TBC1D8B: variants seen among roughly 807,000 people sequenced by gnomAD.
TBC1D8B encodes the protein RP11-321G1.1.
TBC1D8B carries 75 observed loss-of-function variants against 82.9 expected under a neutral mutation model. The observed-to-expected ratio is 0.90, with a 90% CI of 0.75 to 1.10. The LOEUF (loss-of-function observed/expected upper bound fraction) is 1.10. Ranked by LOEUF, TBC1D8B falls within the 50% of genes least tolerant of loss-of-function variation. The pLI is 0.00. For synonymous variants in TBC1D8B, 276 were observed against 276.8 expected (o/e 1.00, Z 0.03); for missense variants, 794 against 796.9 (o/e 1.00, Z 0.04).
At chrX:106,842,607 CTATCTATCTAT>C (rs1932336764) in intron 10 of TBC1D8B, among the ~76,000 whole-genome samples, 1 of 40,479 alleles carries the variant, frequency 2.5e-5, no homozygotes, top group African/African-American at 2.2e-4. Context: ...CTTGCTCTAT[CTATCTATCTAT>C]CTATCTATCT....
chrX:106,818,817 C>A (rs907297688), intron 2 of TBC1D8B, 44 bp downstream of exon 2: 2 of 1,000,833 alleles, frequency 2.0e-6, no homozygotes, highest in African/African-American at 3.8e-5. Flanking sequence ...AATAAGGGTA[C>A]TACAAAGCTG....
chrX:106,835,674 ATC>A (rs1311208571), intron 7 of TBC1D8B, among the ~76,000 whole-genome samples: 2 of 111,948 alleles, frequency 1.8e-5, no homozygotes, highest in East Asian at 5.6e-4. Context: ...ATCCTAAATC[ATC>A]TCTCTCAAGT....
At chrX:106,846,798 G>C (rs778624610) in intron 10 of TBC1D8B, among the ~76,000 whole-genome samples, 1 of 111,868 alleles carries the variant, frequency 8.9e-6, no homozygotes, top group Admixed American at 9.5e-5. Flanking sequence ...GTATAAAAAT[G>C]AGCAATGGAC....
At chrX:106,867,198 A>G (rs186458659) in intron 17 of TBC1D8B, among the ~76,000 whole-genome samples, 78 of 111,948 alleles carry the variant, frequency 7.0e-4, no homozygotes, top group African/African-American at 2.4e-3. Context: ...AATTAACTTT[A>G]GACAAACTGC....
At position 106,823,379 on chromosome X, in the gene TBC1D8B, T is replaced by G; in HGVS notation, c.740T>G (p.Leu247Arg). The G allele has an allele frequency of 1.7e-6, 2 of 1,210,613 alleles. No individual in the cohort carries two copies. The highest frequency in any genetic ancestry group is 3.5e-5 in the South Asian group (2 of 56,952). The change falls in exon 5 of 21, where the codon CTG becomes CGG. Residue 247 changes from leucine (L) to arginine (R), a missense_variant. Leu to Arg is a moderately radical substitution (Grantham distance 102, BLOSUM62 -2). Transcript: ENST00000357242. ...CAAACATACCTTCTTATGGAACAGC[T>G]GGCAAACTATGCCATTAGAAGACTT... The part of the protein sequence containing the change: ...INQTYLLMEQ[L>R]ANYAIRRLFD...
At position 106,802,859 on chromosome X, in the gene TBC1D8B, G is replaced by A. The variant is rs1931068602; in HGVS notation, c.6G>A (p.Trp2Ter). 1 of 1,211,001 alleles carries A rather than the reference G, an allele frequency of 8.3e-7. No individual in the cohort carries two copies. The highest frequency in any genetic ancestry group is 1.1e-6 in the Non-Finnish European group (1 of 895,171). ...CGGGGGGCACAAAGTTCGCGATGTGGCTGAAGCCTGAGGAAGTGCTTCTGA... is the reference window on the plus strand; with the variant it reads ...CGGGGGGCACAAAGTTCGCGATGTGACTGAAGCCTGAGGAAGTGCTTCTGA... M[W>*]LKPEEVLLKN... is the part of the protein sequence containing the mutation. Residue 2 changes from tryptophan to a stop codon, truncating the protein, a stop_gained, in exon 1 of 21, where the codon TGG becomes TGA. Transcript: ENST00000357242. LOFTEE classifies it high-confidence loss of function.
chrX:106,818,891 C>A, intron 2 of TBC1D8B, 118 bp downstream of exon 2: 2 of 497,051 alleles, frequency 4.0e-6, no homozygotes, highest in Non-Finnish European at 6.2e-6. Context: ...AAATGTGCAA[C>A]TTTACTTTGA....
At chrX:106,829,188 T>C (rs1040046664) in intron 7 of TBC1D8B, 2 of 107,189 alleles carry the variant, frequency 1.9e-5, no homozygotes, top group Admixed American at 2.0e-4. Flanking sequence ...GAACTCCCAT[T>C]CACAATTGCT....
Position 106,874,727 on chromosome X carries a change from C to T in TBC1D8B, c.*762C>T, listed in dbSNP as rs1385867194. 9.0e-6 allele frequency: 1 copy of T among 111,626 alleles called. No homozygotes were observed. Among genetic ancestry groups the T allele is most frequent in the African/African-American group, 3.3e-5 (1 of 30,730 alleles). 9.2% of individuals were successfully genotyped at this position (111,626 alleles called of 1,213,427 possible). A position where few individuals can be genotyped will look rare whatever the true frequency, so the allele number is the denominator to read the frequency against. The stretch of plus-strand genomic sequence containing the variant: ...CAGCCTTCTGAGAAGGGCTAAGAAA[C>T]AGTTCAATTAACTGTATAGGTCTTT... On this transcript the variant is annotated 3_prime_UTR_variant, in exon 21 of 21. Coordinates refer to ENST00000357242, the MANE Select transcript of TBC1D8B (RefSeq NM_017752.3).
At chrX:106,862,965 C>T (rs1177630715) in intron 14 of TBC1D8B, among the ~76,000 whole-genome samples, 6 of 108,844 alleles carry the variant, frequency 5.5e-5, no homozygotes, top group African/African-American at 2.0e-4. Flanking sequence ...TCTCTGGGCC[C>T]TCGGGGCTAG....
At chrX:106,865,417 T>C in intron 14 of TBC1D8B, 142 bp from the exon 15 acceptor site, 1 of 317,114 alleles carries the variant, frequency 3.2e-6, no homozygotes, top group Middle Eastern at 1.0e-3. Flanking sequence ...TAATAACTTA[T>C]AATAACTTTT....
In TBC1D8B at chrX:106,823,238, T is replaced by G; in HGVS notation, c.599T>G (p.Ile200Ser). 8.3e-7 allele frequency: 1 copy of G among 1,206,244 alleles called. No individual in the cohort carries two copies. The highest frequency in any genetic ancestry group is 3.0e-5 in the East Asian group (1 of 33,678). ...FLLGSEIKLI[I>S]SWDEVSKLEK... ...CTCTTATTTGCAGTAAAACTCATTA[T>G]CTCCTGGGATGAAGTCTCAAAACTT... Residue 200 changes from isoleucine (I) to serine (S), a missense_variant, in exon 5 of 21, where the codon ATC (isoleucine) becomes AGC (serine). Ile to Ser is a moderately radical substitution (Grantham distance 142, BLOSUM62 -2). Transcript: ENST00000357242.
At position 106,869,498 on chromosome X, in the gene TBC1D8B, A is replaced by G; in HGVS notation, c.2826A>G (p.Ala942=). ...CTTTTCTTATAGTTTCCAAGCCTGC[A>G]AATGAGAAGGAAGCAGAATCAGCAA... The part of the protein sequence containing the change: ...YFSQLHVSKP[A]NEKEAESAKH... The change falls in exon 19 of 21, where the codon GCA becomes GCG. Residue 942 remains alanine, a synonymous_variant. Coordinates refer to ENST00000357242, the MANE Select transcript of TBC1D8B (RefSeq NM_017752.3). The G allele has an allele frequency of 2.5e-6, 3 of 1,209,036 alleles. No homozygotes were observed. The highest frequency in any genetic ancestry group is 3.4e-6 in the Non-Finnish European group (3 of 893,505).
chrX:106,850,885 C>A (rs1932570990), intron 12 of TBC1D8B, among the ~76,000 whole-genome samples: 1 of 111,954 alleles, frequency 8.9e-6, no homozygotes, highest in Non-Finnish European at 1.9e-5. Context: ...CTTACTCTGG[C>A]ATTCAGAACT....
Position 106,827,165 on chromosome X carries a change from C to T in TBC1D8B, c.1036-5C>T, listed in dbSNP as rs758202313. 8.3e-7 allele frequency: 1 copy of T among 1,207,772 alleles called. No individual in the cohort carries two copies. The highest frequency in any genetic ancestry group is 3.0e-5 in the East Asian group (1 of 33,721). ...TAATTGACCTCTATGTTTTTCACCC[C>T]CTAGGTCTTAGCTATAGATAAGACA... On this transcript the variant is annotated splice_polypyrimidine_tract_variant and splice_region_variant and intron_variant, in intron 6 of 20. Coordinates refer to ENST00000357242, the MANE Select transcript of TBC1D8B (RefSeq NM_017752.3).
At chrX:106,861,817 T>C (rs1932778123) in intron 14 of TBC1D8B, among the ~76,000 whole-genome samples, 1 of 112,091 alleles carries the variant, frequency 8.9e-6, no homozygotes, top group South Asian at 3.7e-4. Flanking sequence ...ACTGATTGTG[T>C]AGTTGCTTTA....
At chrX:106,837,666 T>G (rs1932205016) in intron 7 of TBC1D8B, among the ~76,000 whole-genome samples, 1 of 111,876 alleles carries the variant, frequency 8.9e-6, no homozygotes, top group African/African-American at 3.2e-5. Flanking sequence ...TATACTTTTA[T>G]GAGCTCAACT....
At chrX:106,871,991 AG>A (rs1171994350) in intron 20 of TBC1D8B, among the ~76,000 whole-genome samples, 6 of 111,090 alleles carry the variant, frequency 5.4e-5, no homozygotes, top group African/African-American at 2.0e-4. Context: ...TCCTCCTGTC[AG>A]CCTCCATGCA....
chrX:106,860,459 G>A (rs1197753403), intron 14 of TBC1D8B, among the ~76,000 whole-genome samples: 2 of 108,473 alleles, frequency 1.8e-5, no homozygotes, highest in Non-Finnish European at 3.8e-5. Context: ...ATCTTGGCAA[G>A]TTGTGTGTTT....
Sources: allele counts gnomAD v4.1 joint callset (sites outside exome capture counted in the v4.1 genomes callset), GRCh38; gene constraint gnomAD v4.1.1; transcripts MANE v1.5; gene names NCBI Gene and HGNC (gene_info 2026-07-23, HGNC 2026-07-21).